The following KIAA0319L variants were observed in gnomAD, a reference collection of about 807,000 sequenced individuals.
The protein encoded by KIAA0319L is dyslexia-associated protein KIAA0319-like protein.
Under a neutral mutation model 120.1 loss-of-function variants are expected in KIAA0319L, and 55 were observed. That is an observed-to-expected ratio of 0.46 (90% confidence interval 0.37 to 0.57). The LOEUF is 0.57. KIAA0319L is among the 20% of genes least tolerant of loss of function. The probability of loss-of-function intolerance (pLI) is 0.00; values close to 1 mark genes in which losing one functional copy is unlikely to be tolerated. For synonymous variants in KIAA0319L, 398 were observed against 471.9 expected, an observed-to-expected ratio of 0.84 and a Z score of 2.03; for missense variants, 1,049 against 1,255.3, an observed-to-expected ratio of 0.84 and a Z score of 2.48.
chr1:35,474,034 T>C (rs1012786989), intron 5 of KIAA0319L, among the ~76,000 whole-genome samples: 5 of 152,264 alleles, frequency 3.3e-5, no homozygotes, highest in African/African-American at 1.2e-4. Flanking sequence ...TAATCATCCA[T>C]ACTTTATATA....
chr1:35,484,781 TATATATATATATATATATATATA>T (rs1265193472), intron 3 of KIAA0319L, among the ~76,000 whole-genome samples: 4 of 45,458 alleles, frequency 8.8e-5, no homozygotes, highest in Admixed American at 2.7e-4. Context: ...TATATATATA[TATATATATATATATATATATATA>T]TATTTTTTTT....
At chr1:35,457,380 G>A (rs1247869378) in intron 9 of KIAA0319L, among the ~76,000 whole-genome samples, 1 of 151,808 alleles carries the variant, frequency 6.6e-6, no homozygotes, top group Non-Finnish European at 1.5e-5. Context: ...ATCCTAGGCA[G>A]ACAGCCTGCG....
At chr1:35,459,275 G>A (rs76586332) in intron 9 of KIAA0319L, among the ~76,000 whole-genome samples, 1,909 of 152,262 alleles carry the variant, frequency 0.013, 46 homozygotes, top group African/African-American at 0.04. Flanking sequence ...TCAAGTCAAG[G>A]AGTGAAGTGG....
In KIAA0319L at chr1:35,466,590, C is replaced by A; in HGVS notation, c.1201+18G>T. On this transcript the variant is annotated intron_variant, in intron 7 of 20. Transcript: ENST00000325722. The stretch of plus-strand genomic sequence containing the variant: ...TGCAGAGGGAGGAAGGGAGACACAG[C>A]CAGGGCTGAAAACATACCTGGCTTG... The A allele has an allele frequency of 1.3e-6, 2 of 1,579,818 alleles. 1 individual carries two copies. Among genetic ancestry groups the A allele is most frequent in the South Asian group, 2.2e-5 (2 of 90,352 alleles).
intron 3 of KIAA0319L, among the ~76,000 whole-genome samples, chr1:35,487,113 A>C (rs1188109032): frequency 6.6e-6 from 1 of 152,078 alleles, no homozygotes; most frequent in Non-Finnish European, 1.5e-5. Context: ...ATTCTGATAC[A>C]TGTAGTGACT....
intron 8 of KIAA0319L, among the ~76,000 whole-genome samples, chr1:35,461,556 C>T (rs1642892770): frequency 6.6e-6 from 1 of 152,114 alleles, no homozygotes; most frequent in African/African-American, 2.4e-5. Flanking sequence ...AAACACAAGA[C>T]AGAAGGACTA....
At chr1:35,475,019 A>G (rs899998820) in intron 4 of KIAA0319L, 113 bp from the exon 5 acceptor site, 1 of 628,324 alleles carries the variant, frequency 1.6e-6, no homozygotes, top group Non-Finnish European at 2.7e-6. Context: ...ACTGCCATCA[A>G]TTACTAACTT....
chr1:35,546,478 G>A (rs1350113834), intron 2 of KIAA0319L, among the ~76,000 whole-genome samples: 1 of 152,144 alleles, frequency 6.6e-6, no homozygotes, highest in South Asian at 2.1e-4. Flanking sequence ...GGATGAAGGT[G>A]GGAGAATGGA....
chr1:35,443,708 G>A (rs1381506858), intron 17 of KIAA0319L, among the ~76,000 whole-genome samples: 1 of 147,684 alleles, frequency 6.8e-6, no homozygotes, highest in Non-Finnish European at 1.5e-5. Flanking sequence ...AAATAAATAA[G>A]CATTAAACAA....
At chr1:35,518,847 T>C (rs1195330483) in intron 2 of KIAA0319L, among the ~76,000 whole-genome samples, 1 of 151,792 alleles carries the variant, frequency 6.6e-6, no homozygotes, top group African/African-American at 2.4e-5. Context: ...CTACTAAAAA[T>C]ACAAAAATTA....
chr1:35,499,628 G>A (rs1471119814), intron 3 of KIAA0319L, among the ~76,000 whole-genome samples: 1 of 151,926 alleles, frequency 6.6e-6, no homozygotes, highest in East Asian at 1.9e-4. Context: ...CAAACTCACT[G>A]CACATACTAA....
chr1:35,457,729 C>A (rs1165078033), intron 9 of KIAA0319L, among the ~76,000 whole-genome samples: 1 of 152,112 alleles, frequency 6.6e-6, no homozygotes, highest in Non-Finnish European at 1.5e-5. Context: ...ACAGACAGGG[C>A]CAGACGTCAG....
chr1:35,549,533 A>G (rs1647119443), intron 2 of KIAA0319L, among the ~76,000 whole-genome samples: 1 of 152,160 alleles, frequency 6.6e-6, no homozygotes, highest in Admixed American at 6.5e-5. Flanking sequence ...AGGTAGGGAA[A>G]TGTCAGTACA....
At chr1:35,511,605 G>A (rs1645447902) in intron 2 of KIAA0319L, among the ~76,000 whole-genome samples, 1 of 152,082 alleles carries the variant, frequency 6.6e-6, no homozygotes, top group Admixed American at 6.5e-5. Context: ...TTTTTAAAAA[G>A]AATGGGTCAT....
At chr1:35,487,165 T>C (rs1644420851) in intron 3 of KIAA0319L, among the ~76,000 whole-genome samples, 1 of 152,190 alleles carries the variant, frequency 6.6e-6, no homozygotes, top group South Asian at 2.1e-4. Flanking sequence ...TGGGGGAGGT[T>C]TTCCTAGTAG....
At chr1:35,517,167 T>C (rs1298470812) in intron 2 of KIAA0319L, among the ~76,000 whole-genome samples, 1 of 152,092 alleles carries the variant, frequency 6.6e-6, no homozygotes, top group Non-Finnish European at 1.5e-5. Flanking sequence ...GCTATACCTA[T>C]CAAACTACCA....
intron 2 of KIAA0319L, among the ~76,000 whole-genome samples, chr1:35,521,172 C>A (rs1645894459): frequency 6.6e-6 from 1 of 151,936 alleles, no homozygotes. Flanking sequence ...GAAACCCCGT[C>A]TCTACCAAAA....
chr1:35,481,925 T>C (rs1300086322), intron 3 of KIAA0319L, among the ~76,000 whole-genome samples: 1 of 145,102 alleles, frequency 6.9e-6, no homozygotes, highest in East Asian at 2.2e-4. Context: ...CCCGGGTTCA[T>C]GCCATTCTCC....
At chr1:35,486,879 C>A (rs567736710) in intron 3 of KIAA0319L, among the ~76,000 whole-genome samples, 1 of 152,262 alleles carries the variant, frequency 6.6e-6, no homozygotes, top group Admixed American at 6.5e-5. Flanking sequence ...CTACTGCACT[C>A]CAGCCTGGGC....
Sources: gnomAD v4.1 joint callset for allele counts (sites outside exome capture counted in the v4.1 genomes callset) on GRCh38, gnomAD v4.1.1 for gene constraint, MANE v1.5 for transcripts, NCBI Gene and HGNC (gene_info 2026-07-23, HGNC 2026-07-21) for gene names.